Variants in RIC1 observed in about 807,000 individuals in gnomAD.
RIC1 encodes RIC1 partner of RAB6A GEF complex, also known as guanine nucleotide exchange factor subunit RIC1.
A neutral mutation model predicts 169.0 loss-of-function variants in RIC1; 88 were observed. The ratio of observed to expected loss-of-function variants is 0.52; its 90% CI spans 0.44 to 0.62. The LOEUF (loss-of-function observed/expected upper bound fraction) is 0.62. RIC1 is among the 20% of genes least tolerant of loss of function. RIC1 has a pLI of 0.00. For synonymous variants in RIC1, 790 were observed against 601.5 expected (o/e 1.31, Z -4.59); for missense variants, 1,877 against 1,725.5 (o/e 1.09, Z -1.56).
At position 5,772,552 on chromosome 9, in the gene RIC1, A is replaced by T; in HGVS notation, c.3617-12A>T. Reference sequence around the variant, plus strand: ...ACGAAGTTGGTTGTAACTTTTGGCAATTCTTCATCAGGTGATGAATGCAGT... The same window carrying T: ...ACGAAGTTGGTTGTAACTTTTGGCATTTCTTCATCAGGTGATGAATGCAGT... On this transcript the variant is annotated splice_polypyrimidine_tract_variant and intron_variant, in intron 23 of 25. Transcript: ENST00000414202. 2 of 1,557,208 alleles carry T rather than the reference A, an allele frequency of 1.3e-6. No homozygotes were observed. The highest frequency in any genetic ancestry group is 1.7e-6 in the Non-Finnish European group (2 of 1,154,242).
intron 1 of RIC1, among the ~76,000 whole-genome samples, chr9:5,637,947 C>T (rs960100020): frequency 9.9e-5 from 15 of 152,168 alleles, no homozygotes; most frequent in East Asian, 1.9e-4. Flanking sequence ...GAAAGGCTTT[C>T]GGTTTTTACA....
Position 5,745,881 on chromosome 9 carries a change from A to G in RIC1, c.1096-50A>G, listed in dbSNP as rs755328065. On this transcript the variant is annotated intron_variant, in intron 10 of 25. Transcript: ENST00000414202. Reference sequence around the variant, plus strand: ...AATAATTGAAGCTAGAAAGGGATACAAAAGCCTTTTATTGCTCTGACTTTT... The same window carrying G: ...AATAATTGAAGCTAGAAAGGGATACGAAAGCCTTTTATTGCTCTGACTTTT... The G allele has an allele frequency of 3.9e-6, 6 of 1,525,744 alleles. No individual in the cohort carries two copies. In the African/African-American group the frequency reaches 6.9e-5, roughly 17 times the overall value. 94.5% of individuals were successfully genotyped at this position (1,525,744 alleles called of 1,614,324 possible).
intron 7 of RIC1, 62 bp from the exon 8 acceptor site, chr9:5,738,388 A>T: frequency 8.7e-7 from 1 of 1,143,844 alleles, no homozygotes; most frequent in Non-Finnish European, 1.3e-6. Flanking sequence ...AGAGTTCTAT[A>T]ATGCTTTTTC....
At chr9:5,743,885 C>CTGCA in intron 10 of RIC1, 148 bp downstream of exon 10, 1 of 613,820 alleles carries the variant, frequency 1.6e-6, no homozygotes, top group Admixed American at 2.8e-5. Flanking sequence ...TCATAGCTCA[C>CTGCA]TGCAGCCTCT....
intron 1 of RIC1, among the ~76,000 whole-genome samples, chr9:5,637,675 G>C (rs1226840157): frequency 6.6e-6 from 1 of 152,010 alleles, no homozygotes; most frequent in African/African-American, 2.4e-5. Flanking sequence ...CAATTGTTTT[G>C]ATTTGTAGAT....
In RIC1 at chr9:5,656,642, C is replaced by T; in HGVS notation, c.204C>T (p.Ser68=). The T allele has an allele frequency of 6.2e-7, 1 of 1,610,452 alleles. No individual in the cohort carries two copies. Among genetic ancestry groups the T allele is most frequent in the African/African-American group, 1.3e-5 (1 of 74,660 alleles). ...EPAKSSTQFG[S]YKQAEWRPDS... is the part of the protein sequence containing the mutation. Reference sequence around the variant, plus strand: ...CAAAATCATCTACTCAGTTTGGATCCTACAAGCAAGCTGAATGGAGGCCAG... The same window carrying T: ...CAAAATCATCTACTCAGTTTGGATCTTACAAGCAAGCTGAATGGAGGCCAG... Residue 68 remains serine (S), a synonymous_variant, in exon 2 of 26, where the codon TCC becomes TCT. Transcript: ENST00000414202.
At chr9:5,680,815 A>ATT (rs66478510) in intron 2 of RIC1, among the ~76,000 whole-genome samples, 3,683 of 57,640 alleles carry the variant, frequency 0.064, 1,117 homozygotes, top group Middle Eastern at 0.1. Flanking sequence ...GCAGTCATTG[A>ATT]TTTTTTTTTT....
At chr9:5,767,477 CTCT>C (rs1563722370) in intron 21 of RIC1, among the ~76,000 whole-genome samples, 1 of 21,366 alleles carries the variant, frequency 4.7e-5, no homozygotes, top group East Asian at 1.2e-3. Context: ...TGTTCATATT[CTCT>C]TTTTTTTTTT....
At chr9:5,719,281 G>C (rs1322242503) in intron 4 of RIC1, 3 of 152,070 alleles carry the variant, frequency 2.0e-5, no homozygotes, top group Non-Finnish European at 4.4e-5. Context: ...CAAATATTTA[G>C]TGACAGATTT....
intron 6 of RIC1, among the ~76,000 whole-genome samples, chr9:5,720,969 A>G (rs1823554949): frequency 6.6e-6 from 1 of 152,142 alleles, no homozygotes; most frequent in African/African-American, 2.4e-5. Flanking sequence ...CCTCATGCCT[A>G]ATTTTCCACT....
chr9:5,651,462 A>C (rs942704033), intron 1 of RIC1, among the ~76,000 whole-genome samples: 2 of 151,988 alleles, frequency 1.3e-5, no homozygotes, highest in African/African-American at 4.8e-5. Flanking sequence ...GTCTTATCCA[A>C]AAAATTCCTT....
chr9:5,722,870 C>CTTTTTTATGGCTGCA (rs1823697394), intron 6 of RIC1, among the ~76,000 whole-genome samples: 1 of 152,152 alleles, frequency 6.6e-6, no homozygotes, highest in Non-Finnish European at 1.5e-5. Flanking sequence ...ACCCATGTGC[C>CTTTTTTATGGCTGCA]TACAAAGGAC....
At chr9:5,752,900 C>T (rs1276342821) in intron 12 of RIC1, among the ~76,000 whole-genome samples, 1 of 152,196 alleles carries the variant, frequency 6.6e-6, no homozygotes, top group African/African-American at 2.4e-5. Flanking sequence ...GCTGCCCTCA[C>T]AGGTGCCTTC....
chr9:5,642,429 C>T (rs1818297869), intron 1 of RIC1, among the ~76,000 whole-genome samples: 1 of 145,108 alleles, frequency 6.9e-6, no homozygotes, highest in Non-Finnish European at 1.5e-5. Context: ...CCCTAAGGCT[C>T]TACCATCAGC....
intron 6 of RIC1, among the ~76,000 whole-genome samples, chr9:5,723,178 G>A (rs139030500): frequency 1.7e-3 from 258 of 152,298 alleles, no homozygotes; most frequent in African/African-American, 5.8e-3. Context: ...CACCAACAGT[G>A]TAAAAGTATT....
At chr9:5,742,797 T>TG in intron 8 of RIC1, 72 bp from the exon 9 acceptor site, 21 of 798,618 alleles carry the variant, frequency 2.6e-5, no homozygotes, top group Non-Finnish European at 3.5e-5. Flanking sequence ...AGATTGTATT[T>TG]GAAAAAAAAA....
In RIC1 at chr9:5,655,126, G is replaced by A. The variant is rs77846620; in HGVS notation, c.145-1457G>A. 8.2e-3 allele frequency among the ~76,000 whole-genome samples: 1,247 copies of A among 152,244 alleles called. 15 individuals carry two copies. Among genetic ancestry groups the A allele is most frequent in the East Asian group, 0.057 (293 of 5,182 alleles). ...GGGACTTCCACTATTCTGTTGAAAAGCTGCTGTGAGTGGAGACATCCTTCC... is the reference window on the plus strand; with the variant it reads ...GGGACTTCCACTATTCTGTTGAAAAACTGCTGTGAGTGGAGACATCCTTCC... On this transcript the variant is annotated intron_variant, in intron 1 of 25. Transcript: ENST00000414202.
intron 7 of RIC1, among the ~76,000 whole-genome samples, chr9:5,736,496 T>C (rs549801019): frequency 3.9e-5 from 6 of 152,210 alleles, no homozygotes; most frequent in African/African-American, 9.6e-5. Context: ...CAGCACAGGA[T>C]TGGGGAGATA....
At chr9:5,727,123 C>T (rs962880293) in intron 6 of RIC1, among the ~76,000 whole-genome samples, 3 of 152,196 alleles carry the variant, frequency 2.0e-5, no homozygotes, top group Non-Finnish European at 2.9e-5. Flanking sequence ...TGGGGAAGTT[C>T]TCCTGGATAA....
Sources: gnomAD v4.1 joint callset for allele counts (sites outside exome capture counted in the v4.1 genomes callset) on GRCh38, gnomAD v4.1.1 for gene constraint, MANE v1.5 for transcripts, NCBI Gene and HGNC (gene_info 2026-07-23, HGNC 2026-07-21) for gene names.